Variants in SEPTIN11 observed in about 807,000 individuals in gnomAD.
The protein encoded by SEPTIN11 is septin-11.
In SEPTIN11, 25 loss-of-function variants were observed where a neutral mutation model predicts 51.4. That is an observed-to-expected ratio of 0.49 (90% CI 0.35 to 0.68). The LOEUF is 0.68. Among genes scored for constraint, SEPTIN11 ranks in the 30% least tolerant of loss-of-function variants. SEPTIN11 has a pLI of 0.00. For missense variants in SEPTIN11, 381 were observed against 520.8 expected (o/e 0.73, Z 2.61); for synonymous variants, 174 against 184.1 (o/e 0.95, Z 0.44).
chr4:76,996,612 C>A, intron 2 of SEPTIN11, 73 bp downstream of exon 2: 2 of 1,072,208 alleles, frequency 1.9e-6, no homozygotes, highest in Non-Finnish European at 2.9e-6. Flanking sequence ...GAGAGACATG[C>A]TTCAGTGAAA....
At chr4:77,026,411 C>A (rs1462434730) in intron 7 of SEPTIN11, among the ~76,000 whole-genome samples, 1 of 152,178 alleles carries the variant, frequency 6.6e-6, no homozygotes, top group Non-Finnish European at 1.5e-5. Flanking sequence ...GCATTTAAAA[C>A]TAGACCATTT....
chr4:77,016,617 T>TATATATATACACAC (rs1560736144), intron 5 of SEPTIN11, among the ~76,000 whole-genome samples: 2 of 48,392 alleles, frequency 4.1e-5, no homozygotes, highest in African/African-American at 1.5e-4. Flanking sequence ...TATATACACA[T>TATATATATACACAC]ATATATATAT....
intron 1 of SEPTIN11, chr4:76,987,848 A>G (rs1381691820): frequency 2.0e-6 from 2 of 980,990 alleles, no homozygotes; most frequent in African/African-American, 1.7e-5. Context: ...ACCTCAGAAA[A>G]AGACATGACC....
Position 77,032,413 on chromosome 4 carries a change from T to C in SEPTIN11, c.1274+1443T>C, listed in dbSNP as rs568168738. Among the ~76,000 whole-genome samples, 184 of 152,334 alleles carry C rather than the reference T, an allele frequency of 1.2e-3. 3 individuals carry two copies. The highest frequency in any genetic ancestry group is 2.2e-4 in the Non-Finnish European group (15 of 68,020). On this transcript the variant is annotated intron_variant, in intron 9 of 9. Coordinates refer to ENST00000264893, the MANE Select transcript of SEPTIN11 (RefSeq NM_018243.4). ...TAAGAAAACCCTTTGTAGCTATGCATGTCGGGAGAGCATCTAACACTAATG... is the reference window on the plus strand; with the variant it reads ...TAAGAAAACCCTTTGTAGCTATGCACGTCGGGAGAGCATCTAACACTAATG...
chr4:76,965,199 C>T (rs964399760), intron 1 of SEPTIN11, among the ~76,000 whole-genome samples: 2 of 152,066 alleles, frequency 1.3e-5, no homozygotes, highest in African/African-American at 4.8e-5. Flanking sequence ...ACCTGTAATG[C>T]CAGCACTTTG....
At chr4:77,018,312 G>A (rs1233087326) in intron 5 of SEPTIN11, among the ~76,000 whole-genome samples, 4 of 152,114 alleles carry the variant, frequency 2.6e-5, no homozygotes, top group Admixed American at 2.0e-4. Flanking sequence ...AGCTGGGCAT[G>A]GTGGCCGGTG....
chr4:76,959,405 G>A (rs900336415), intron 1 of SEPTIN11, among the ~76,000 whole-genome samples: 1 of 151,504 alleles, frequency 6.6e-6, no homozygotes, highest in Non-Finnish European at 1.5e-5. Flanking sequence ...TGAGCCACGG[G>A]CACATGGCCA....
intron 1 of SEPTIN11, among the ~76,000 whole-genome samples, chr4:76,958,228 C>T (rs1206641792): frequency 3.3e-5 from 5 of 152,222 alleles, no homozygotes; most frequent in Admixed American, 2.6e-4. Context: ...TCTCTGCCAT[C>T]GCCACCTGGG....
intron 1 of SEPTIN11, among the ~76,000 whole-genome samples, chr4:76,989,954 T>C (rs1289696946): frequency 6.6e-6 from 1 of 152,198 alleles, no homozygotes; most frequent in Non-Finnish European, 1.5e-5. Flanking sequence ...ATGGTGAGTG[T>C]TGCAGCTCTT....
At position 77,019,276 on chromosome 4, in the gene SEPTIN11, T is replaced by C. The variant is rs148299118; in HGVS notation, c.784+15T>C. On this transcript the variant is annotated intron_variant, in intron 6 of 9. Transcript: ENST00000264893. ...TGTGGTGCAGGGTATGTGCACAGCATGGGAGATGGAGTCTTCATATTTAGC... is the reference window on the plus strand; with the variant it reads ...TGTGGTGCAGGGTATGTGCACAGCACGGGAGATGGAGTCTTCATATTTAGC... The C allele has an allele frequency of 2.6e-3, 4,137 of 1,591,532 alleles. 15 individuals carry two copies. The highest frequency in any genetic ancestry group is 0.01 in the Middle Eastern group (60 of 5,996).
chr4:76,994,827 G>T (rs893170543), intron 1 of SEPTIN11, among the ~76,000 whole-genome samples: 7 of 138,740 alleles, frequency 5.0e-5, no homozygotes, highest in African/African-American at 1.9e-4. Context: ...TCACCCTCTT[G>T]ATTATGTAAC....
At position 77,036,846 on chromosome 4, in the gene SEPTIN11, G is replaced by A. The variant is rs1182392313; in HGVS notation, c.*2334G>A. On this transcript the variant is annotated 3_prime_UTR_variant, in exon 10 of 10. Coordinates refer to ENST00000264893, the MANE Select transcript of SEPTIN11 (RefSeq NM_018243.4). ...TGCTTTCGCCTTTGCATGTAAGTAC[G>A]GTAGTAAGAAACCTTTGAGATCTTT... 5 of 1,481,510 alleles carry A rather than the reference G, an allele frequency of 3.4e-6. No homozygotes were observed. Among genetic ancestry groups the A allele is most frequent in the Admixed American group, 2.6e-5 (1 of 38,996 alleles). 91.8% of individuals were successfully genotyped at this position (1,481,510 alleles called of 1,614,324 possible).
At chr4:77,030,663 G>A in intron 8 of SEPTIN11, 120 bp from the exon 9 acceptor site, 1 of 893,182 alleles carries the variant, frequency 1.1e-6, no homozygotes, top group Non-Finnish European at 1.7e-6. Flanking sequence ...CCAAAGTGCT[G>A]AAATTACAGG....
At chr4:77,028,523 G>T (rs1726353329) in intron 7 of SEPTIN11, 106 bp from the exon 8 acceptor site, 1 of 1,247,342 alleles carries the variant, frequency 8.0e-7, no homozygotes, top group Middle Eastern at 2.5e-4. Context: ...CTGGCAAGCA[G>T]CAGCTTTATC....
At chr4:76,989,180 T>C (rs1723212478) in intron 1 of SEPTIN11, among the ~76,000 whole-genome samples, 1 of 152,210 alleles carries the variant, frequency 6.6e-6, no homozygotes, top group African/African-American at 2.4e-5. Flanking sequence ...TGGATCAGTA[T>C]ACTTTATTTA....
At chr4:77,039,017 C>A, downstream of SEPTIN11, 1 of 1,155,270 alleles carries the variant, frequency 8.7e-7, no homozygotes, top group Non-Finnish European at 1.2e-6. Context: ...CTTTTCTTTT[C>A]TTAAGCCATT....
Position 77,015,008 on chromosome 4 carries a change from A to G in SEPTIN11, c.678A>G (p.Ala226=), listed in dbSNP as rs761589934. 1 of 1,613,218 alleles carries G rather than the reference A, an allele frequency of 6.2e-7. No individual in the cohort carries two copies. The highest frequency in any genetic ancestry group is 1.3e-5 in the African/African-American group (1 of 75,014). The part of the protein sequence containing the change: ...TDEETVAEIN[A]TMSVHLPFAV... ...AAGAAACGGTGGCAGAGATTAACGC[A>G]ACAATGAGTGTAAGTCCTCAAGTCA... Residue 226 remains alanine (A), a synonymous_variant, in exon 5 of 10, where the codon GCA becomes GCG. Coordinates refer to ENST00000264893, the MANE Select transcript of SEPTIN11 (RefSeq NM_018243.4).
chr4:76,960,182 CTTTGAGGTGTTTGG>C (rs1400020220), intron 1 of SEPTIN11, among the ~76,000 whole-genome samples: 1 of 152,180 alleles, frequency 6.6e-6, no homozygotes, highest in East Asian at 1.9e-4. Flanking sequence ...TGCTCTCATT[CTTTGAGGTGTTTGG>C]TTTGACTTAC....
chr4:77,006,743 A>G (rs1724502103), intron 3 of SEPTIN11, among the ~76,000 whole-genome samples: 1 of 152,156 alleles, frequency 6.6e-6, no homozygotes, highest in Non-Finnish European at 1.5e-5. Flanking sequence ...TTTTTTCCCC[A>G]TATTCCTCAA....
Sources: allele counts gnomAD v4.1 joint callset (sites outside exome capture counted in the v4.1 genomes callset), GRCh38; gene constraint gnomAD v4.1.1; transcripts MANE v1.5; gene names NCBI Gene and HGNC (gene_info 2026-07-23, HGNC 2026-07-21).